The following GRM7 variants were observed in gnomAD, a reference collection of about 807,000 sequenced individuals.
GRM7 encodes the protein glutamate metabotropic receptor 7.
Under a neutral mutation model 84.5 loss-of-function variants are expected in GRM7, and 35 were observed. The ratio of observed to expected loss-of-function variants is 0.41; its 90% CI spans 0.32 to 0.55. GRM7 has a LOEUF of 0.55. Ranked by LOEUF, GRM7 falls within the 20% of genes least tolerant of loss-of-function variation. The probability of loss-of-function intolerance (pLI) is 0.19; values close to 1 mark genes in which losing one functional copy is unlikely to be tolerated. For synonymous variants in GRM7, 487 were observed against 455.1 expected, an observed-to-expected ratio of 1.07 and a Z score of -0.89; for missense variants, 1,003 against 1,194.6, an observed-to-expected ratio of 0.84 and a Z score of 2.36.
chr3:6,953,337 T>A (rs1469723627), intron 1 of GRM7, among the ~76,000 whole-genome samples: 1 of 152,182 alleles, frequency 6.6e-6, no homozygotes, highest in African/African-American at 2.4e-5. Flanking sequence ...CTTGGCAAGA[T>A]CTAGATGCAG....
chr3:7,721,772 T>C (rs895903915), intron 9 of GRM7, among the ~76,000 whole-genome samples: 1 of 152,230 alleles, frequency 6.6e-6, no homozygotes, highest in Non-Finnish European at 1.5e-5. Context: ...CATGGTTGTA[T>C]GCAAGACTAG....
At chr3:7,633,874 G>A (rs561689367) in intron 8 of GRM7, among the ~76,000 whole-genome samples, 201 of 152,174 alleles carry the variant, frequency 1.3e-3, no homozygotes, top group African/African-American at 4.5e-3. Flanking sequence ...CATCCCAACA[G>A]ATAGGGATTT....
At chr3:7,572,572 C>T (rs1013581015) in intron 7 of GRM7, among the ~76,000 whole-genome samples, 7 of 151,580 alleles carry the variant, frequency 4.6e-5, no homozygotes, top group South Asian at 2.1e-4. Context: ...GTAATCCCAG[C>T]GCTTTGGGAG....
intron 7 of GRM7, among the ~76,000 whole-genome samples, chr3:7,509,983 C>T (rs549001011): frequency 6.6e-6 from 1 of 152,254 alleles, no homozygotes; most frequent in East Asian, 1.9e-4. Flanking sequence ...CCAGTGTTAT[C>T]TGTAATATTT....
At chr3:7,523,193 C>A (rs1700664203) in intron 7 of GRM7, among the ~76,000 whole-genome samples, 1 of 152,152 alleles carries the variant, frequency 6.6e-6, no homozygotes, top group South Asian at 2.1e-4. Flanking sequence ...TTCTTATATT[C>A]TCCCATGACT....
At chr3:7,094,264 A>T (rs1047315637) in intron 1 of GRM7, among the ~76,000 whole-genome samples, 2 of 152,210 alleles carry the variant, frequency 1.3e-5, no homozygotes, top group Non-Finnish European at 2.9e-5. Context: ...GAATGAGTAT[A>T]AGAGATTATC....
At chr3:7,639,482 C>G (rs1362201002) in intron 8 of GRM7, among the ~76,000 whole-genome samples, 1 of 152,174 alleles carries the variant, frequency 6.6e-6, no homozygotes, top group Non-Finnish European at 1.5e-5. Flanking sequence ...ATTGACCCTG[C>G]AGTGAACACT....
intron 8 of GRM7, 53 bp from the exon 9 acceptor site, chr3:7,679,996 C>G (rs1406659644): frequency 3.8e-5 from 60 of 1,575,004 alleles, no homozygotes; most frequent in Non-Finnish European, 5.1e-5. Context: ...GTGTTCAGAC[C>G]CCTACTGCAG....
At chr3:7,028,008 A>G (rs73112806) in intron 1 of GRM7, among the ~76,000 whole-genome samples, 9,550 of 152,152 alleles carry the variant, frequency 0.063, 980 homozygotes, top group African/African-American at 0.22. Flanking sequence ...ACTGATAGTA[A>G]ATCTTATTTT....
chr3:7,035,234 C>G (rs1696343483), intron 1 of GRM7, among the ~76,000 whole-genome samples: 1 of 152,122 alleles, frequency 6.6e-6, no homozygotes, highest in Admixed American at 6.5e-5. Flanking sequence ...GAGCTCTTGT[C>G]TACTGAAATG....
chr3:6,938,067 G>T (rs1302216332), intron 1 of GRM7, among the ~76,000 whole-genome samples: 1 of 152,180 alleles, frequency 6.6e-6, no homozygotes, highest in Non-Finnish European at 1.5e-5. Flanking sequence ...TAGGTTGTCT[G>T]ACTCCAATGA....
At chr3:7,446,912 G>T (rs960122409) in intron 5 of GRM7, among the ~76,000 whole-genome samples, 7 of 152,128 alleles carry the variant, frequency 4.6e-5, no homozygotes, top group Admixed American at 6.5e-5. Flanking sequence ...GTCTTTCAAA[G>T]AAAAGATCTT....
intron 1 of GRM7, among the ~76,000 whole-genome samples, chr3:6,888,891 A>G (rs1224235909): frequency 1.3e-5 from 2 of 152,030 alleles, no homozygotes; most frequent in African/African-American, 4.8e-5. Context: ...ATTTGTTTGT[A>G]TCCTCTTTAT....
At chr3:7,691,608 G>A (rs528251731) in intron 9 of GRM7, among the ~76,000 whole-genome samples, 40 of 152,094 alleles carry the variant, frequency 2.6e-4, no homozygotes, top group Non-Finnish European at 5.1e-4. Flanking sequence ...CATATGTCAG[G>A]GTACATAAGA....
Position 7,545,367 on chromosome 3 carries a change from C to G in GRM7, c.1516-33055C>G, listed in dbSNP as rs113186453. ...GGAAGAATTAAAATGTAGGGTTTAACTCATCCTTGATCGGAACAATTCCAA... is the reference window on the plus strand; with the variant it reads ...GGAAGAATTAAAATGTAGGGTTTAAGTCATCCTTGATCGGAACAATTCCAA... On this transcript the variant is annotated intron_variant, in intron 7 of 9. Transcript: ENST00000357716. Among the ~76,000 whole-genome samples the G allele has an allele frequency of 6.6e-3, 1,003 of 152,320 alleles. 12 individuals carry two copies. The highest frequency in any genetic ancestry group is 0.022 in the African/African-American group (925 of 41,580).
At chr3:7,025,555 G>A (rs1209331656) in intron 1 of GRM7, among the ~76,000 whole-genome samples, 1 of 152,156 alleles carries the variant, frequency 6.6e-6, no homozygotes, top group Non-Finnish European at 1.5e-5. Flanking sequence ...AATCATCTCT[G>A]TAAAGGCTGG....
chr3:7,193,025 T>TATTTTTA (rs1218021896), intron 2 of GRM7, among the ~76,000 whole-genome samples: 1 of 152,148 alleles, frequency 6.6e-6, no homozygotes, highest in Non-Finnish European at 1.5e-5. Context: ...GGCCTTCATT[T>TATTTTTA]CTTTTTACTT....
chr3:7,339,328 T>C (rs73113709), intron 4 of GRM7, among the ~76,000 whole-genome samples: 5,946 of 152,176 alleles, frequency 0.039, 244 homozygotes, highest in African/African-American at 0.11. Context: ...GGTTTGCCCC[T>C]CTTTTTCTTT....
intron 1 of GRM7, among the ~76,000 whole-genome samples, chr3:7,142,625 T>G (rs1162520231): frequency 2.6e-5 from 4 of 152,136 alleles, no homozygotes; most frequent in Non-Finnish European, 5.9e-5. Context: ...TAGTTCTTGA[T>G]GCAATTTGGG....
Sources: allele counts gnomAD v4.1 joint callset (sites outside exome capture counted in the v4.1 genomes callset), GRCh38; gene constraint gnomAD v4.1.1; transcripts MANE v1.5; gene names NCBI Gene and HGNC (gene_info 2026-07-23, HGNC 2026-07-21).